The following PAPLN variants were observed in gnomAD, a reference collection of about 807,000 sequenced individuals.
PAPLN encodes the protein papilin.
A neutral mutation model predicts 159.0 loss-of-function variants in PAPLN; 146 were observed. The ratio of observed to expected loss-of-function variants is 0.92; its 90% CI spans 0.80 to 1.05. The LOEUF (loss-of-function observed/expected upper bound fraction) is 1.05. Among genes scored for constraint, PAPLN ranks in the 50% least tolerant of loss-of-function variants. PAPLN has a pLI of 0.00. For synonymous variants in PAPLN, 734 were observed against 702.9 expected (o/e 1.04, Z -0.70); for missense variants, 1,720 against 1,743.9 (o/e 0.99, Z 0.24).
intron 2 of PAPLN, among the ~76,000 whole-genome samples, chr14:73,242,159 C>T (rs186563837): frequency 3.9e-5 from 6 of 152,224 alleles, no homozygotes; most frequent in Admixed American, 6.5e-5. Context: ...GGACAGAGCA[C>T]GGCTCTAGGA....
At chr14:73,258,519 C>T (rs73306823) in intron 14 of PAPLN, among the ~76,000 whole-genome samples, 30,530 of 150,098 alleles carry the variant, frequency 0.2, 3,647 homozygotes, top group East Asian at 0.5. Flanking sequence ...TGCAGTGGCT[C>T]ACACCCATAA....
At chr14:73,267,812 C>A (rs1327260359) in intron 25 of PAPLN, among the ~76,000 whole-genome samples, 1 of 152,218 alleles carries the variant, frequency 6.6e-6, no homozygotes, top group Non-Finnish European at 1.5e-5. Context: ...ATCTTTCCAG[C>A]AGCAAACATG....
intron 16 of PAPLN, among the ~76,000 whole-genome samples, chr14:73,260,018 C>T (rs1441542320): frequency 1.3e-5 from 2 of 152,264 alleles, no homozygotes; most frequent in East Asian, 1.9e-4. Flanking sequence ...CTGCCCTGAA[C>T]GCATCCCCAG....
chr14:73,238,986 C>T (rs1489521614), intron 1 of PAPLN, among the ~76,000 whole-genome samples: 2 of 152,248 alleles, frequency 1.3e-5, no homozygotes, highest in Non-Finnish European at 2.9e-5. Flanking sequence ...TACACATACA[C>T]ACTGCACAGC....
Position 73,262,379 on chromosome 14 carries a change from G to A in PAPLN, c.2275G>A (p.Ala759Thr), listed in dbSNP as rs1886680119. 1.9e-6 allele frequency: 3 copies of A among 1,613,776 alleles called. No homozygotes were observed. The highest frequency in any genetic ancestry group is 2.5e-6 in the Non-Finnish European group (3 of 1,179,870). The change falls in exon 19 of 27, where the codon GCC becomes ACC. Residue 759 changes from alanine (A) to threonine (T), a missense_variant. Coordinates refer to ENST00000644200, the MANE Select transcript of PAPLN (RefSeq NM_001365906.3). ...AYPVRCLLPSAHGSCADWAAR... is the reference protein window; with the variant it reads ...AYPVRCLLPSTHGSCADWAAR... Reference sequence around the variant, plus strand: ...CCCCGTGCGGTGCCTGCTGCCCAGTGCCCATGGCTCTTGCGCAGACTGGGC... The same window carrying A: ...CCCCGTGCGGTGCCTGCTGCCCAGTACCCATGGCTCTTGCGCAGACTGGGC...
At chr14:73,259,238 G>C (rs762308335) in intron 15 of PAPLN, 31 bp from the exon 16 acceptor site, 2 of 1,532,842 alleles carry the variant, frequency 1.3e-6, no homozygotes, top group Non-Finnish European at 1.8e-6. Flanking sequence ...CCAGGTGGAC[G>C]CACTGTGTGT....
At position 73,254,896 on chromosome 14, in the gene PAPLN, C is replaced by T. The variant is rs1165162414; in HGVS notation, c.1505C>T (p.Ser502Leu). Residue 502 changes from serine to leucine, a missense_variant, in exon 14 of 27, where the codon TCG becomes TTG. Ser to Leu is a moderately radical substitution (Grantham distance 145, BLOSUM62 -2). Transcript: ENST00000644200. Reference sequence around the variant, plus strand: ...CCTCAGTGCTCCAAGAGCTGCAGCTCGGGCACTCGGAGGCGACAGGTCATC... The same window carrying T: ...CCTCAGTGCTCCAAGAGCTGCAGCTTGGGCACTCGGAGGCGACAGGTCATC... ...TWGLCSKSCS[S>L]GTRRRQVICA... The T allele has an allele frequency of 1.9e-6, 3 of 1,612,238 alleles. No homozygotes were observed. Among genetic ancestry groups the T allele is most frequent in the East Asian group, 4.5e-5 (2 of 44,886 alleles).
intron 14 of PAPLN, among the ~76,000 whole-genome samples, chr14:73,257,867 G>T (rs527736286): frequency 6.8e-6 from 1 of 147,556 alleles, no homozygotes; most frequent in Non-Finnish European, 1.5e-5. Flanking sequence ...AGGTTCAAGC[G>T]ATTCTCCTGC....
chr14:73,251,985 C>A (rs1183041128), intron 9 of PAPLN, 33 bp from the exon 10 acceptor site: 1 of 1,584,428 alleles, frequency 6.3e-7, no homozygotes, highest in African/African-American at 1.3e-5. Flanking sequence ...TGCTCCCCAG[C>A]AGCAGACCCC....
At chr14:73,255,857 C>G (rs978748125) in intron 14 of PAPLN, among the ~76,000 whole-genome samples, 2 of 152,220 alleles carry the variant, frequency 1.3e-5, no homozygotes, top group African/African-American at 2.4e-5. Context: ...CGATCCACTC[C>G]GTTGCTGACC....
chr14:73,252,130 A>T lies in PAPLN; in HGVS notation c.956A>T (p.Glu319Val). 6.2e-7 allele frequency: 1 copy of T among 1,604,490 alleles called. No individual in the cohort carries two copies. Among genetic ancestry groups the T allele is most frequent in the Non-Finnish European group, 8.5e-7 (1 of 1,175,592 alleles). Residue 319 changes from glutamate to valine, a missense_variant, in exon 10 of 27, where the codon GAG becomes GTG. Transcript: ENST00000644200. Reference sequence around the variant, plus strand: ...GGCTCATGGAGTGACTGCAGCGCGGAGTGTGGCGGAGGTGCGGGCGTGGAT... The same window carrying T: ...GGCTCATGGAGTGACTGCAGCGCGGTGTGTGGCGGAGGTGCGGGCGTGGAT... ...SHGSWSDCSA[E>V]CGGGHQSRLV...
chr14:73,253,166 C>T, intron 11 of PAPLN: 1 of 1,368,390 alleles, frequency 7.3e-7, no homozygotes, highest in Non-Finnish European at 9.7e-7. Context: ...CAAAGGACCT[C>T]TTACCTGCAC....
At chr14:73,239,053 C>T (rs1362434824) in intron 1 of PAPLN, among the ~76,000 whole-genome samples, 1 of 152,180 alleles carries the variant, frequency 6.6e-6, no homozygotes, top group Admixed American at 6.5e-5. Context: ...CACATGGACC[C>T]GCCCCGCACA....
intron 15 of PAPLN, 36 bp from the exon 16 acceptor site, chr14:73,259,233 T>C (rs1345485505): frequency 6.5e-7 from 1 of 1,530,722 alleles, no homozygotes; most frequent in Non-Finnish European, 8.8e-7. Context: ...AGGAGCCAGG[T>C]GGACGCACTG....
intron 2 of PAPLN, among the ~76,000 whole-genome samples, chr14:73,240,466 A>AT (rs1491235231): frequency 2.6e-5 from 4 of 152,000 alleles, no homozygotes; most frequent in African/African-American, 9.7e-5. Flanking sequence ...TTTTTGAGAC[A>AT]GAGTCTCACT....
rs901669174 is a variant in PAPLN at position 73,268,704 on chromosome 14, G to C, written c.3648G>C (p.Glu1216Asp). ...QGSQAVSRSTEVKVVSPAPTA... is the reference protein window; with the variant it reads ...QGSQAVSRSTDVKVVSPAPTA... Reference sequence around the variant, plus strand: ...GCCAGGCAGTCAGCCGCAGCACCGAGGTGAAGGTGGTCTCACCAGGTAGGA... The same window carrying C: ...GCCAGGCAGTCAGCCGCAGCACCGACGTGAAGGTGGTCTCACCAGGTAGGA... The change falls in exon 26 of 27, where the codon GAG becomes GAC. Residue 1216 changes from glutamate (E) to aspartate (D), a missense_variant. Coordinates refer to ENST00000644200, the MANE Select transcript of PAPLN (RefSeq NM_001365906.3). 6.2e-7 allele frequency: 1 copy of C among 1,612,200 alleles called. No individual in the cohort carries two copies. Among genetic ancestry groups the C allele is most frequent in the Non-Finnish European group, 8.5e-7 (1 of 1,179,130 alleles).
chr14:73,271,571 A>G (rs1355141081), intron 26 of PAPLN, among the ~76,000 whole-genome samples: 1 of 151,498 alleles, frequency 6.6e-6, no homozygotes, highest in Admixed American at 6.6e-5. Context: ...GTGTGGTCTC[A>G]GCTCACTGTA....
At chr14:73,268,777 G>C in intron 26 of PAPLN, 54 bp downstream of exon 26, 1 of 1,510,530 alleles carries the variant, frequency 6.6e-7, no homozygotes. Context: ...TAGATTTACT[G>C]GTTCTCAAGG....
intron 11 of PAPLN, chr14:73,253,152 T>G (rs1481972168): frequency 7.3e-7 from 1 of 1,374,672 alleles, no homozygotes; most frequent in East Asian, 4.3e-5. Flanking sequence ...GCTTTGTTCG[T>G]GCACAAAGGA....
Sources: allele counts gnomAD v4.1 joint callset (sites outside exome capture counted in the v4.1 genomes callset), GRCh38; gene constraint gnomAD v4.1.1; transcripts MANE v1.5; gene names NCBI Gene and HGNC (gene_info 2026-07-23, HGNC 2026-07-21).